Variants in IQCM observed in about 807,000 individuals in gnomAD.
IQCM encodes IQ motif containing M, also known as IQ domain-containing protein M.
A neutral mutation model predicts 57.6 loss-of-function variants in IQCM; 45 were observed. The ratio of observed to expected loss-of-function variants is 0.78; its 90% CI spans 0.62 to 1.00. The LOEUF is 1.00. Ranked by LOEUF, IQCM falls within the 50% of genes least tolerant of loss-of-function variation. The pLI is 0.00. For synonymous variants in IQCM, 148 were observed against 158.9 expected (o/e 0.93, Z 0.51); for missense variants, 468 against 511.6 (o/e 0.91, Z 0.82).
chr4:149,679,004 G>A (rs572103478), intron 7 of IQCM, among the ~76,000 whole-genome samples: 40 of 151,654 alleles, frequency 2.6e-4, no homozygotes, highest in Middle Eastern at 6.8e-3. Context: ...TAGAACTACC[G>A]TATGATCCAG....
intron 7 of IQCM, among the ~76,000 whole-genome samples, chr4:149,644,718 C>T (rs1232814549): frequency 6.6e-6 from 1 of 152,144 alleles, no homozygotes; most frequent in Non-Finnish European, 1.5e-5. Context: ...ATTAGCAGAA[C>T]CTTCAACATG....
Position 149,433,660 on chromosome 4 carries a change from C to G in IQCM, c.1229-103G>C, listed in dbSNP as rs1306322101. ...ATTAAAAACTAACATTTGGATACAA[C>G]AGGTCACACTGAAAACATGTCTTTT... On this transcript the variant is annotated intron_variant, in intron 12 of 13. Transcript: ENST00000636793. The G allele has an allele frequency of 9.4e-6, 4 of 425,628 alleles. No individual in the cohort carries two copies. The Admixed American group carries it at 1.8e-4, about 19-fold the overall frequency. 26.4% of individuals were successfully genotyped at this position (425,628 alleles called of 1,614,324 possible). A position where few individuals can be genotyped will look rare whatever the true frequency, so the allele number is the denominator to read the frequency against.
chr4:149,467,367 T>G (rs961557460), intron 12 of IQCM, among the ~76,000 whole-genome samples: 1 of 152,204 alleles, frequency 6.6e-6, no homozygotes, highest in Non-Finnish European at 1.5e-5. Flanking sequence ...TTATTCGTAA[T>G]AACAACAAAT....
chr4:149,605,355 C>A (rs756020701), intron 8 of IQCM, among the ~76,000 whole-genome samples: 1 of 152,106 alleles, frequency 6.6e-6, no homozygotes, highest in East Asian at 1.9e-4. Context: ...ATTTGAAAAT[C>A]TTTTATGTGG....
At chr4:149,391,417 T>A (rs973894507) in intron 13 of IQCM, among the ~76,000 whole-genome samples, 1 of 151,936 alleles carries the variant, frequency 6.6e-6, no homozygotes, top group East Asian at 1.9e-4. Flanking sequence ...GTAGCTTTTG[T>A]TGATTTTTTT....
intron 5 of IQCM, among the ~76,000 whole-genome samples, chr4:149,714,511 G>A (rs964947303): frequency 9.2e-5 from 14 of 152,020 alleles, no homozygotes; most frequent in African/African-American, 2.9e-4. Flanking sequence ...AAACATTTCA[G>A]ACTTTATATA....
rs529432656 is a variant in IQCM, at chr4:149,509,432, T to C, written c.1228+39023A>G. On this transcript the variant is annotated intron_variant, in intron 12 of 13. Transcript: ENST00000636793. Reference sequence around the variant, plus strand: ...TAGCTGGAACTACAGGCATGCACAATTATGCTCAGCTTTTTTTTTCTTCTT... The same window carrying C: ...TAGCTGGAACTACAGGCATGCACAACTATGCTCAGCTTTTTTTTTCTTCTT... Among the ~76,000 whole-genome samples, 72 of 152,118 alleles carry C rather than the reference T, an allele frequency of 4.7e-4. 1 individual carries two copies. The South Asian group carries it at 0.015, about 32-fold the overall frequency.
At chr4:149,434,170 T>G (rs1009233298) in intron 12 of IQCM, among the ~76,000 whole-genome samples, 5 of 152,090 alleles carry the variant, frequency 3.3e-5, no homozygotes, top group African/African-American at 1.2e-4. Context: ...ATGTACAAAC[T>G]GAGACCCAGA....
chr4:149,750,402 G>A (rs1321359729), intron 2 of IQCM, among the ~76,000 whole-genome samples: 1 of 152,172 alleles, frequency 6.6e-6, no homozygotes, highest in African/African-American at 2.4e-5. Flanking sequence ...TAAAATATTA[G>A]AAGCTATGTC....
chr4:149,605,046 C>G (rs1213387124), intron 8 of IQCM, among the ~76,000 whole-genome samples: 1 of 152,174 alleles, frequency 6.6e-6, no homozygotes, highest in Non-Finnish European at 1.5e-5. Flanking sequence ...GTTGACACAA[C>G]TGTACAACTA....
At chr4:149,353,789 A>G (rs1490616579) in intron 13 of IQCM, among the ~76,000 whole-genome samples, 1 of 152,156 alleles carries the variant, frequency 6.6e-6, no homozygotes, top group Non-Finnish European at 1.5e-5. Flanking sequence ...GATGGAGAGG[A>G]AATGGGGGAA....
chr4:149,405,748 A>C (rs1732927590), intron 13 of IQCM, among the ~76,000 whole-genome samples: 1 of 150,842 alleles, frequency 6.6e-6, no homozygotes, highest in African/African-American at 2.4e-5. Context: ...TGTTTTATTC[A>C]TCTATTATTT....
intron 12 of IQCM, among the ~76,000 whole-genome samples, chr4:149,507,804 C>T (rs1007984806): frequency 2.6e-5 from 4 of 152,132 alleles, no homozygotes; most frequent in African/African-American, 9.7e-5. Flanking sequence ...TGTTAATCCC[C>T]AAGACAATGG....
At chr4:149,481,562 A>G (rs933927598) in intron 12 of IQCM, among the ~76,000 whole-genome samples, 2 of 151,862 alleles carry the variant, frequency 1.3e-5, no homozygotes, top group East Asian at 3.9e-4. Flanking sequence ...AGTTCACTGT[A>G]GGTGTGTGGA....
intron 12 of IQCM, among the ~76,000 whole-genome samples, chr4:149,467,248 G>A (rs539219384): frequency 1.3e-5 from 2 of 152,334 alleles, no homozygotes; most frequent in Admixed American, 6.5e-5. Context: ...CTGAGATGCT[G>A]TAATCTTAAA....
chr4:149,554,040 C>T (rs1749298030), intron 10 of IQCM, among the ~76,000 whole-genome samples: 1 of 152,006 alleles, frequency 6.6e-6, no homozygotes, highest in African/African-American at 2.4e-5. Context: ...TAATTCCTTT[C>T]TAAATAATAT....
At chr4:149,729,323 T>C (rs1355313280) in intron 5 of IQCM, among the ~76,000 whole-genome samples, 1 of 152,186 alleles carries the variant, frequency 6.6e-6, no homozygotes, top group Non-Finnish European at 1.5e-5. Context: ...TTATCTTACT[T>C]TTTGAACATT....
chr4:149,792,392 T>C (rs1772713878), intron 2 of IQCM, among the ~76,000 whole-genome samples: 1 of 152,114 alleles, frequency 6.6e-6, no homozygotes, highest in South Asian at 2.1e-4. Flanking sequence ...ACCCTGTCTC[T>C]ACCAAAAATA....
At position 149,481,701 on chromosome 4, in the gene IQCM, G is replaced by GTTTTTTTTTTTTTTTTTTTGTTTTTTT. The variant is rs1740841793; in HGVS notation, c.1229-48145_1229-48144insAAAAAAACAAAAAAAAAAAAAAAAAAA. On this transcript the variant is annotated intron_variant, in intron 12 of 13. Transcript: ENST00000636793. ...CATGTAATGTGATTCTTCCAGTTTTGTTTTTTTTTTTTTTTTTTTTTGCTT... is the reference window on the plus strand; with the variant it reads ...CATGTAATGTGATTCTTCCAGTTTTGTTTTTTTTTTTTTTTTTTTGTTTTTTTTTTTTTTTTTTTTTTTTTTTTGCTT... 7.6e-4 allele frequency among the ~76,000 whole-genome samples: 39 copies of GTTTTTTTTTTTTTTTTTTTGTTTTTTT among 51,528 alleles called. 1 individual carries two copies. Among genetic ancestry groups the GTTTTTTTTTTTTTTTTTTTGTTTTTTT allele is most frequent in the Admixed American group, 1.8e-3 (7 of 3,950 alleles). The allele number at this position is 51,528 out of a possible 152,430, so 33.8% of individuals were successfully genotyped here. A position where few individuals can be genotyped will look rare whatever the true frequency, so the allele number is the denominator to read the frequency against.
Sources: gnomAD v4.1 joint callset for allele counts (sites outside exome capture counted in the v4.1 genomes callset) on GRCh38, gnomAD v4.1.1 for gene constraint, MANE v1.5 for transcripts, NCBI Gene and HGNC (gene_info 2026-07-23, HGNC 2026-07-21) for gene names.